The following DNAH9 variants were observed in gnomAD, a reference collection of about 807,000 sequenced individuals.
DNAH9 encodes DNAH9 variant protein.
Under a neutral mutation model 471.6 loss-of-function variants are expected in DNAH9, and 345 were observed. That is an observed-to-expected ratio of 0.73 (90% CI 0.67 to 0.80). The LOEUF (loss-of-function observed/expected upper bound fraction) is 0.80. Among genes scored for constraint, DNAH9 ranks in the 30% least tolerant of loss-of-function variants. DNAH9 has a pLI of 0.00. For missense variants in DNAH9, 5,407 were observed against 5,609.2 expected (o/e 0.96, Z 1.15); for synonymous variants, 2,093 against 2,123.6 (o/e 0.99, Z 0.40).
chr17:11,915,136 C>T (rs890743661), intron 61 of DNAH9, among the ~76,000 whole-genome samples: 4 of 152,202 alleles, frequency 2.6e-5, no homozygotes, highest in South Asian at 2.1e-4. Flanking sequence ...AGCTCATCTC[C>T]ACTCTTCTTC....
chr17:11,960,622 A>G (rs143714986), intron 67 of DNAH9, among the ~76,000 whole-genome samples: 1,613 of 150,730 alleles, frequency 0.011, 32 homozygotes, highest in African/African-American at 0.037. Flanking sequence ...AGCTGGGCAT[A>G]GTGACAGATG....
chr17:11,628,176 T>C (rs1230298006), intron 6 of DNAH9, among the ~76,000 whole-genome samples: 1 of 152,164 alleles, frequency 6.6e-6, no homozygotes, highest in East Asian at 1.9e-4. Flanking sequence ...AAGAAACATA[T>C]CTTGGTTTGG....
At chr17:11,836,501 T>C (rs1970854754) in intron 49 of DNAH9, among the ~76,000 whole-genome samples, 2 of 152,190 alleles carry the variant, frequency 1.3e-5, no homozygotes, top group Non-Finnish European at 2.9e-5. Flanking sequence ...AGGAATTTGT[T>C]ATATCATTGG....
At chr17:11,783,893 G>A (rs780717461) in intron 40 of DNAH9, 145 bp downstream of exon 40, 8 of 668,748 alleles carry the variant, frequency 1.2e-5, no homozygotes, top group East Asian at 2.7e-5. Context: ...GCATCTCTAG[G>A]GGAAAAGAGA....
intron 50 of DNAH9, among the ~76,000 whole-genome samples, chr17:11,861,448 A>T (rs954958115): frequency 6.6e-6 from 1 of 151,874 alleles, no homozygotes; most frequent in Non-Finnish European, 1.5e-5. Flanking sequence ...GGTTGGTTCC[A>T]AGTCTTTGCT....
intron 67 of DNAH9, among the ~76,000 whole-genome samples, chr17:11,945,184 AG>A (rs1315526630): frequency 6.6e-6 from 1 of 152,178 alleles, no homozygotes; most frequent in Non-Finnish European, 1.5e-5. Flanking sequence ...CTTACCTGGC[AG>A]GGGGAAGGGG....
At chr17:11,683,351 T>C (rs1170736982) in intron 19 of DNAH9, among the ~76,000 whole-genome samples, 1 of 152,134 alleles carries the variant, frequency 6.6e-6, no homozygotes, top group Non-Finnish European at 1.5e-5. Context: ...TTTTTGTATT[T>C]TTAGTAGAGG....
At chr17:11,627,592 G>A (rs1314570785) in intron 6 of DNAH9, among the ~76,000 whole-genome samples, 3 of 151,944 alleles carry the variant, frequency 2.0e-5, no homozygotes, top group Admixed American at 6.6e-5. Context: ...AATTCATTTC[G>A]GTTTTCTTCC....
intron 60 of DNAH9, among the ~76,000 whole-genome samples, chr17:11,904,270 A>G (rs1973511144): frequency 6.6e-6 from 1 of 152,188 alleles, no homozygotes; most frequent in South Asian, 2.1e-4. Flanking sequence ...GAAGGGGAAC[A>G]GATGACATTG....
chr17:11,929,768 G>A, intron 62 of DNAH9, 98 bp from the exon 63 acceptor site: 1 of 982,592 alleles, frequency 1.0e-6, no homozygotes, highest in Non-Finnish European at 1.5e-6. Flanking sequence ...GTGATGCTAA[G>A]ACCAGTCCCC....
chr17:11,833,696 C>T (rs1245331101), intron 48 of DNAH9, among the ~76,000 whole-genome samples: 1 of 152,162 alleles, frequency 6.6e-6, no homozygotes, highest in East Asian at 1.9e-4. Flanking sequence ...CGACTTCCTA[C>T]AAGTCTGACT....
chr17:11,885,659 A>G (rs2150999469), intron 56 of DNAH9, among the ~76,000 whole-genome samples: 1 of 152,308 alleles, frequency 6.6e-6, no homozygotes, highest in South Asian at 2.1e-4. Context: ...CATAATGTCC[A>G]TATTTTATGC....
chr17:11,815,958 C>T (rs937196700), intron 45 of DNAH9, among the ~76,000 whole-genome samples: 3 of 152,112 alleles, frequency 2.0e-5, no homozygotes, highest in Non-Finnish European at 4.4e-5. Context: ...AGGTAACACA[C>T]TGTGCTACTT....
intron 27 of DNAH9, 91 bp from the exon 28 acceptor site, chr17:11,727,727 G>A: frequency 1.2e-6 from 1 of 814,384 alleles, no homozygotes; most frequent in Non-Finnish European, 2.1e-6. Context: ...GGGACTAGAA[G>A]TATCTATAAT....
At chr17:11,639,506 G>A (rs970118731) in intron 9 of DNAH9, among the ~76,000 whole-genome samples, 2 of 152,172 alleles carry the variant, frequency 1.3e-5, no homozygotes, top group Admixed American at 1.3e-4. Flanking sequence ...GTGCTGACTC[G>A]AGTCCAGGGC....
intron 36 of DNAH9, 97 bp downstream of exon 36, chr17:11,763,711 C>A: frequency 8.3e-7 from 1 of 1,209,648 alleles, no homozygotes; most frequent in South Asian, 1.5e-5. Flanking sequence ...AGCTAAATGT[C>A]AGAATGGACT....
chr17:11,713,508 C>T (rs148408009), intron 26 of DNAH9, among the ~76,000 whole-genome samples: 3 of 152,112 alleles, frequency 2.0e-5, no homozygotes, highest in East Asian at 1.9e-4. Flanking sequence ...AGCTAATTTA[C>T]ACTCCCACCA....
At chr17:11,635,271 A>T (rs1274788945) in intron 8 of DNAH9, among the ~76,000 whole-genome samples, 1 of 149,744 alleles carries the variant, frequency 6.7e-6, no homozygotes, top group Non-Finnish European at 1.5e-5. Flanking sequence ...GGTTCAAGTG[A>T]TTCTCATGCC....
chr17:11,884,310 C>A, intron 56 of DNAH9: 1 of 219,506 alleles, frequency 4.6e-6, no homozygotes, highest in South Asian at 6.7e-5. Context: ...GTTTGGAAGG[C>A]CCTCGGTCCC....
Sources: allele counts gnomAD v4.1 joint callset (sites outside exome capture counted in the v4.1 genomes callset), GRCh38; gene constraint gnomAD v4.1.1; transcripts MANE v1.5; gene names NCBI Gene and HGNC (gene_info 2026-07-23, HGNC 2026-07-21).